The following JMJD1C variants were observed in gnomAD, a reference collection of about 807,000 sequenced individuals.
JMJD1C encodes the protein jumonji domain containing 1C, also known as jumonji domain-containing protein 1C.
JMJD1C carries 31 observed loss-of-function variants against 245.3 expected under a neutral mutation model. The observed-to-expected ratio is 0.13, with a 90% confidence interval of 0.09 to 0.17. The LOEUF (loss-of-function observed/expected upper bound fraction) is 0.17, where lower values mean the gene tolerates loss of function less well. Ranked by LOEUF, JMJD1C falls within the 10% of genes least tolerant of loss-of-function variation. JMJD1C has a pLI of 1.00. For missense variants in JMJD1C, 2,691 were observed against 3,000.2 expected (o/e 0.90, Z 2.41); for synonymous variants, 1,057 against 1,017.4 (o/e 1.04, Z -0.74).
intron 1 of JMJD1C, among the ~76,000 whole-genome samples, chr10:63,519,927 C>CA (rs1476886875): frequency 6.6e-6 from 1 of 151,954 alleles, no homozygotes; most frequent in East Asian, 1.9e-4. Context: ...GAGAGTTCGC[C>CA]AAAAAACTGG....
intron 3 of JMJD1C, among the ~76,000 whole-genome samples, chr10:63,249,733 G>A (rs546130673): frequency 6.6e-6 from 1 of 152,036 alleles, no homozygotes; most frequent in African/African-American, 2.4e-5. Context: ...GGTGGCGTGC[G>A]CCTGTAGTCC....
At chr10:63,290,758 T>C (rs955722226) in intron 2 of JMJD1C, among the ~76,000 whole-genome samples, 1 of 152,188 alleles carries the variant, frequency 6.6e-6, no homozygotes, top group Non-Finnish European at 1.5e-5. Flanking sequence ...TTGCTATTAC[T>C]ATAAGTTCAT....
intron 2 of JMJD1C, among the ~76,000 whole-genome samples, chr10:63,330,971 C>T (rs890768818): frequency 6.6e-6 from 1 of 152,120 alleles, no homozygotes; most frequent in African/African-American, 2.4e-5. Context: ...TCTGCACAGT[C>T]GATTACTCTA....
At chr10:63,250,826 G>C (rs140295305) in intron 3 of JMJD1C, among the ~76,000 whole-genome samples, 2 of 152,064 alleles carry the variant, frequency 1.3e-5, no homozygotes, top group Non-Finnish European at 1.5e-5. Context: ...CTGCAGCCTC[G>C]ATCTCCTGGG....
chr10:63,204,441 T>A, intron 10 of JMJD1C: 3 of 985,324 alleles, frequency 3.0e-6, no homozygotes, highest in Non-Finnish European at 3.6e-6. Flanking sequence ...TTTCATAAAT[T>A]TAACTTCACA....
At chr10:63,262,513 A>G (rs975658801) in intron 3 of JMJD1C, among the ~76,000 whole-genome samples, 2 of 152,316 alleles carry the variant, frequency 1.3e-5, no homozygotes, top group Middle Eastern at 3.4e-3. Flanking sequence ...ACCAGCACTT[A>G]GTCTAAAATT....
intron 6 of JMJD1C, 22 bp downstream of exon 6, chr10:63,215,531 T>C: frequency 1.2e-6 from 2 of 1,607,760 alleles, no homozygotes; most frequent in Non-Finnish European, 8.5e-7. Flanking sequence ...TTACAGAAAT[T>C]CATCCCTAAT....
At position 63,465,547 on chromosome 10, in the gene JMJD1C, G is replaced by A. The variant is rs1165640246; in HGVS notation, c.116C>T (p.Ala39Val). ...ESGRGWRSWR[A>V]GVIRAVSHRD... ...GTGTGACACGGCTCGGATGACCCCC[G>A]CTCGCCAGCTTCGCCAGCCGCGTCC... The change falls in exon 1 of 26, where the codon GCG becomes GTG. Residue 39 changes from alanine to valine, a missense_variant. Physicochemically the swap from Ala to Val is moderately conservative, Grantham distance 64 (BLOSUM62 0). Coordinates refer to ENST00000399262, the MANE Select transcript of JMJD1C (RefSeq NM_032776.3). 1.2e-6 allele frequency: 2 copies of A among 1,600,672 alleles called. No individual in the cohort carries two copies. Among genetic ancestry groups the A allele is most frequent in the East Asian group, 2.3e-5 (1 of 44,286 alleles).
intron 1 of JMJD1C, among the ~76,000 whole-genome samples, chr10:63,415,444 G>A (rs1275978318): frequency 6.6e-6 from 1 of 152,038 alleles, no homozygotes; most frequent in Non-Finnish European, 1.5e-5. Flanking sequence ...GTTCTCACTT[G>A]TAATATAACT....
chr10:63,446,670 C>T (rs1951737173), intron 1 of JMJD1C, among the ~76,000 whole-genome samples: 1 of 152,086 alleles, frequency 6.6e-6, no homozygotes, highest in Non-Finnish European at 1.5e-5. Flanking sequence ...AAACAAAGTA[C>T]TTGAAGGAAA....
intron 1 of JMJD1C, among the ~76,000 whole-genome samples, chr10:63,435,826 G>C (rs569423873): frequency 6.6e-6 from 1 of 152,326 alleles, no homozygotes; most frequent in East Asian, 1.9e-4. Flanking sequence ...TAGAACCCAG[G>C]AGGCAGAAGT....
At chr10:63,290,331 G>A (rs915606647) in intron 2 of JMJD1C, among the ~76,000 whole-genome samples, 2 of 152,170 alleles carry the variant, frequency 1.3e-5, no homozygotes, top group African/African-American at 4.8e-5. Context: ...CACTTTGGGA[G>A]GGTAAGGCGG....
rs71025134 is a variant in JMJD1C at position 63,245,478 on chromosome 10, C to CTTTTTTTTTTT, written c.447+19162_447+19172dup. Among the ~76,000 whole-genome samples the CTTTTTTTTTTT allele has an allele frequency of 1.7e-3, 151 of 90,188 alleles. 10 individuals carry two copies. Among genetic ancestry groups the CTTTTTTTTTTT allele is most frequent in the East Asian group, 5.4e-3 (14 of 2,596 alleles). 59.2% of individuals were successfully genotyped at this position (90,188 alleles called of 152,430 possible). ...GAGAGGGAGCTTCTGCAGGGGAACTCTTTTTTTTTTTTTTTTTTTTTGAGA... is the reference window on the plus strand; with the variant it reads ...GAGAGGGAGCTTCTGCAGGGGAACTCTTTTTTTTTTTTTTTTTTTTTTTTTTTTTTTTGAGA... On this transcript the variant is annotated intron_variant, in intron 3 of 25. Transcript: ENST00000399262.
intron 2 of JMJD1C, among the ~76,000 whole-genome samples, chr10:63,303,255 A>C (rs1564757861): frequency 6.6e-6 from 1 of 152,196 alleles, no homozygotes; most frequent in Non-Finnish European, 1.5e-5. Context: ...CATTGAGGGA[A>C]GAGAGGCATT....
intron 22 of JMJD1C, among the ~76,000 whole-genome samples, chr10:63,179,104 C>T (rs1001331445): frequency 1.3e-5 from 2 of 152,126 alleles, no homozygotes; most frequent in African/African-American, 2.4e-5. Flanking sequence ...TGTCCATCCA[C>T]GGATGACTGG....
intron 2 of JMJD1C, among the ~76,000 whole-genome samples, chr10:63,306,696 G>A (rs1938291553): frequency 6.6e-6 from 1 of 152,100 alleles, no homozygotes; most frequent in Non-Finnish European, 1.5e-5. Flanking sequence ...CCACTACTGA[G>A]CCTGTAGGAA....
chr10:63,380,896 G>C (rs1196729655), intron 1 of JMJD1C, among the ~76,000 whole-genome samples: 1 of 152,162 alleles, frequency 6.6e-6, no homozygotes, highest in African/African-American at 2.4e-5. Context: ...TCTATCATAG[G>C]ATCTGGTAAT....
At chr10:63,349,456 G>GA (rs1478843584) in intron 2 of JMJD1C, among the ~76,000 whole-genome samples, 6 of 152,210 alleles carry the variant, frequency 3.9e-5, no homozygotes, top group Non-Finnish European at 8.8e-5. Flanking sequence ...TTGGGGAGAA[G>GA]AAAGTAAAAA....
At chr10:63,347,067 ATTTT>A (rs71025162) in intron 2 of JMJD1C, among the ~76,000 whole-genome samples, 11 of 104,170 alleles carry the variant, frequency 1.1e-4, no homozygotes, top group Non-Finnish European at 1.2e-4. Flanking sequence ...AATGAAAAGA[ATTTT>A]TTTTTTTTTT....
Sources: allele counts gnomAD v4.1 joint callset (sites outside exome capture counted in the v4.1 genomes callset), GRCh38; gene constraint gnomAD v4.1.1; transcripts MANE v1.5; gene names NCBI Gene and HGNC (gene_info 2026-07-23, HGNC 2026-07-21).